Variants in ZNF154 observed in about 807,000 individuals in gnomAD.
ZNF154 encodes the protein zinc finger protein 154 (pHZ-92).
ZNF154 carries 6 observed loss-of-function variants against 7.5 expected under a neutral mutation model. The observed-to-expected ratio is 0.80, with a 90% confidence interval of 0.44 to 1.57. ZNF154 has a LOEUF of 1.57. Ranked by LOEUF, ZNF154 falls within the 40% of genes most tolerant of loss-of-function variation. The pLI, the probability that ZNF154 is intolerant of heterozygous loss-of-function variation, is 0.01. For synonymous variants in ZNF154, 187 were observed against 185.9 expected (o/e 1.01, Z -0.05); for missense variants, 485 against 531.4 (o/e 0.91, Z 0.86).
At position 57,702,269 on chromosome 19, in the gene ZNF154, C is replaced by T; in HGVS notation, c.680G>A (p.Ser227Asn). The stretch of plus-strand genomic sequence containing the variant: ...ATGTTTAATGAGGTTAGACTTGTTG[C>T]TAAATAATTTTCCACATTCATCACA... ...HECDECGKLF[S>N]NKSNLIKHRR... is the part of the protein sequence containing the mutation. The change falls in exon 3 of 3, where the codon AGC becomes AAC. Residue 227 changes from serine (S) to asparagine (N), a missense_variant. Transcript: ENST00000684351. 1.2e-6 allele frequency: 2 copies of T among 1,614,148 alleles called. No individual in the cohort carries two copies. The highest frequency in any genetic ancestry group is 1.7e-6 in the Non-Finnish European group (2 of 1,180,016).
intron 1 of ZNF154, among the ~76,000 whole-genome samples, chr19:57,707,980 G>A (rs1985458905): frequency 6.6e-6 from 1 of 152,102 alleles, no homozygotes; most frequent in African/African-American, 2.4e-5. Context: ...TGGGGGTAGA[G>A]GCTACTGAGG....
Position 57,708,847 on chromosome 19 carries a change from G to A in ZNF154, c.33+92C>T, listed in dbSNP as rs1410340997. 3.3e-6 allele frequency: 5 copies of A among 1,506,862 alleles called. No homozygotes were observed. The African/African-American group carries it at 6.9e-5, about 21-fold the overall frequency. The allele number at this position is 1,506,862 out of a possible 1,614,324, so 93.3% of individuals were successfully genotyped here. A position where few individuals can be genotyped will look rare whatever the true frequency, so the allele number is the denominator to read the frequency against. ...CGAACGCCTCAGTGTCCCCGACCCTGGGCAGCGGGGACTCGAGCAGGCGCC... is the reference window on the plus strand; with the variant it reads ...CGAACGCCTCAGTGTCCCCGACCCTAGGCAGCGGGGACTCGAGCAGGCGCC... On this transcript the variant is annotated intron_variant, in intron 1 of 2. Coordinates refer to ENST00000684351, the MANE Select transcript of ZNF154 (RefSeq NM_001085384.3).
chr19:57,705,685 C>T (rs1416492291), intron 1 of ZNF154, among the ~76,000 whole-genome samples: 6 of 149,030 alleles, frequency 4.0e-5, no homozygotes, highest in Non-Finnish European at 8.9e-5. Flanking sequence ...ACCCAGGAGG[C>T]GGAGGTTGCA....
chr19:57,705,103 A>G, intron 1 of ZNF154, 124 bp from the exon 2 acceptor site: 2 of 1,352,310 alleles, frequency 1.5e-6, no homozygotes, highest in Non-Finnish European at 2.0e-6. Flanking sequence ...AGGAGAAACC[A>G]GCACATGGAT....
At position 57,701,649 on chromosome 19, in the gene ZNF154, T is replaced by C; in HGVS notation, c.1300A>G (p.Ile434Val). The change falls in exon 3 of 3, where the codon ATT becomes GTT. Residue 434 changes from isoleucine (I) to valine (V), a missense_variant. Transcript: ENST00000684351. ...HNSSLIKHQR[I>V]HSR ...TCATAAGGCTTTTATCGACTATGAA[T>C]TCTCTGATGTTTAATAAGGCTGGAG... The C allele has an allele frequency of 1.2e-6, 2 of 1,611,820 alleles. No homozygotes were observed. The highest frequency in any genetic ancestry group is 8.5e-7 in the Non-Finnish European group (1 of 1,178,050).
chr19:57,708,787 C>T (rs1025832381), intron 1 of ZNF154, 152 bp downstream of exon 1: 26 of 1,023,990 alleles, frequency 2.5e-5, no homozygotes, highest in Non-Finnish European at 3.6e-5. Flanking sequence ...TCCCACACCT[C>T]GTCACACGCA....
rs569075317 is a variant in ZNF154 at position 57,698,420 on chromosome 19, T to C, written c.*3215A>G. 10 of 152,344 alleles carry C rather than the reference T, an allele frequency of 6.6e-5. No homozygotes were observed. In the South Asian group the frequency reaches 1.2e-3, roughly 19 times the overall value. The allele number at this position is 152,344 out of a possible 1,614,324, so 9.4% of individuals were successfully genotyped here. Reference sequence around the variant, plus strand: ...CATTCTTGAGGTTATTCGTGGCCACTGTATCAGTATGGTAGAAACAGAATA... The same window carrying C: ...CATTCTTGAGGTTATTCGTGGCCACCGTATCAGTATGGTAGAAACAGAATA... On this transcript the variant is annotated 3_prime_UTR_variant, in exon 3 of 3. Transcript: ENST00000684351.
In ZNF154 at chr19:57,698,071, A is replaced by G. The variant is rs1251830338; in HGVS notation, c.*3564T>C. 6.6e-6 allele frequency: 1 copy of G among 152,222 alleles called. No individual in the cohort carries two copies. The highest frequency in any genetic ancestry group is 1.5e-5 in the Non-Finnish European group (1 of 68,028). 9.4% of individuals were successfully genotyped at this position (152,222 alleles called of 1,614,324 possible). A position where few individuals can be genotyped will look rare whatever the true frequency, so the allele number is the denominator to read the frequency against. On this transcript the variant is annotated 3_prime_UTR_variant, in exon 3 of 3. Transcript: ENST00000684351. ...ATCCATAACAAATGAATGAATGAATAAACGAATACTGGTATATCCACAGAA... is the reference window on the plus strand; with the variant it reads ...ATCCATAACAAATGAATGAATGAATGAACGAATACTGGTATATCCACAGAA...
intron 1 of ZNF154, among the ~76,000 whole-genome samples, chr19:57,705,613 G>T (rs575841493): frequency 6.6e-6 from 1 of 152,196 alleles, no homozygotes; most frequent in South Asian, 2.1e-4. Context: ...AATTAGCCGG[G>T]CGTGGTGAAG....
Position 57,698,004 on chromosome 19 carries a change from G to A in ZNF154, c.*3631C>T, listed in dbSNP as rs1984965863. The A allele has an allele frequency of 6.6e-6, 1 of 152,030 alleles. No homozygotes were observed. Among genetic ancestry groups the A allele is most frequent in the Non-Finnish European group, 1.5e-5 (1 of 67,990 alleles). The allele number at this position is 152,030 out of a possible 1,614,324, so 9.4% of individuals were successfully genotyped here. ...TGCATTTTAAATATAAGCACTTTAA[G>A]TTCCATTATACCTCAAACTACTTTA... is the stretch of plus-strand genomic sequence containing the variant. On this transcript the variant is annotated 3_prime_UTR_variant, in exon 3 of 3. Coordinates refer to ENST00000684351, the MANE Select transcript of ZNF154 (RefSeq NM_001085384.3).
At position 57,702,603 on chromosome 19, in the gene ZNF154, A is replaced by G; in HGVS notation, c.346T>C (p.Ser116Pro). 6.3e-7 allele frequency: 1 copy of G among 1,584,144 alleles called. No individual in the cohort carries two copies. Among genetic ancestry groups the G allele is most frequent in the South Asian group, 1.1e-5 (1 of 90,238 alleles). ...HQQAAHTGEQ[S>P]NSKSDGGAIS... ...GCCCCACCGTCGCTTTTGCTATTTG[A>G]TTGCTCCCCAGTGTGAGCAGCCTGT... The change falls in exon 3 of 3, where the codon TCA becomes CCA. Residue 116 changes from serine (S) to proline (P), a missense_variant. Ser to Pro is a moderately conservative substitution (Grantham distance 74). Coordinates refer to ENST00000684351, the MANE Select transcript of ZNF154 (RefSeq NM_001085384.3).
In ZNF154 at chr19:57,702,699, C is replaced by A. The variant is rs764063479; in HGVS notation, c.250G>T (p.Val84Leu). Reference protein sequence around the residue: ...ALFVKTCTFHVSGEPSTCREV... With the variant: ...ALFVKTCTFHLSGEPSTCREV... The stretch of plus-strand genomic sequence containing the variant: ...CTGCAGGTGGAAGGCTCCCCTGACA[C>A]ATGGAATGTGCAGGTCTTCACAAAC... The change falls in exon 3 of 3, where the codon GTG becomes TTG. Residue 84 changes from valine (V) to leucine (L), a missense_variant. Val to Leu is a conservative substitution (Grantham distance 32). Transcript: ENST00000684351. 1.2e-6 allele frequency: 2 copies of A among 1,613,990 alleles called. No homozygotes were observed. The highest frequency in any genetic ancestry group is 2.2e-5 in the South Asian group (2 of 91,088).
intron 1 of ZNF154, among the ~76,000 whole-genome samples, chr19:57,707,722 A>G (rs1054650583): frequency 6.6e-6 from 1 of 152,214 alleles, no homozygotes; most frequent in Non-Finnish European, 1.5e-5. Flanking sequence ...GCTAAAAGGA[A>G]ACAGATCTAT....
chr19:57,706,531 C>T (rs943994985), intron 1 of ZNF154, among the ~76,000 whole-genome samples: 2 of 152,222 alleles, frequency 1.3e-5, no homozygotes, highest in African/African-American at 4.8e-5. Context: ...TCAAAAAATC[C>T]TGGTGATTCC....
intron 1 of ZNF154, among the ~76,000 whole-genome samples, chr19:57,708,734 G>T (rs958048567): frequency 6.6e-6 from 1 of 152,046 alleles, no homozygotes; most frequent in Admixed American, 6.6e-5. Flanking sequence ...GCTCAGTCGC[G>T]CCTCAACCTT....
rs1009238201 is a variant in ZNF154, at chr19:57,697,258, T to G, written c.*4377A>C. The G allele has an allele frequency of 1.3e-5, 2 of 152,214 alleles. No individual in the cohort carries two copies. The highest frequency in any genetic ancestry group is 2.9e-5 in the Non-Finnish European group (2 of 68,046). The allele number at this position is 152,214 out of a possible 1,614,324, so 9.4% of individuals were successfully genotyped here. ...GTTGGGAGAAGGTTTTGTATTTATT[T>G]CACTGTTGCCATCACACACCTGTCT... On this transcript the variant is annotated 3_prime_UTR_variant, in exon 3 of 3. Transcript: ENST00000684351.
chr19:57,701,542 G>T lies in ZNF154; in HGVS notation c.*93C>A. Reference sequence around the variant, plus strand: ...ACTGTGTGGCACTCAATGAGATATGGCCTTCAGCTGAAGCTTTCTGACATT... The same window carrying T: ...ACTGTGTGGCACTCAATGAGATATGTCCTTCAGCTGAAGCTTTCTGACATT... On this transcript the variant is annotated 3_prime_UTR_variant, in exon 3 of 3. Coordinates refer to ENST00000684351, the MANE Select transcript of ZNF154 (RefSeq NM_001085384.3). 1 of 1,346,734 alleles carries T rather than the reference G, an allele frequency of 7.4e-7. No individual in the cohort carries two copies. The highest frequency in any genetic ancestry group is 1.0e-6 in the Non-Finnish European group (1 of 983,696). 83.4% of individuals were successfully genotyped at this position (1,346,734 alleles called of 1,614,324 possible).
rs535262912 is a variant in ZNF154, at chr19:57,696,522, G to A, written c.*5113C>T. Among the ~76,000 whole-genome samples, 1 of 152,132 alleles carries A rather than the reference G, an allele frequency of 6.6e-6. No individual in the cohort carries two copies. The highest frequency in any genetic ancestry group is 2.4e-5 in the African/African-American group (1 of 41,438). Reference sequence around the variant, plus strand: ...GCAAAACCAGCAGAGTCCTGATGCTGGGCAGTGGCAGAGGAGGGATTAAAC... The same window carrying A: ...GCAAAACCAGCAGAGTCCTGATGCTAGGCAGTGGCAGAGGAGGGATTAAAC... On this transcript the variant is annotated 3_prime_UTR_variant, in exon 3 of 3. Transcript: ENST00000684351.
intron 2 of ZNF154, among the ~76,000 whole-genome samples, chr19:57,703,622 A>T (rs1229205520): frequency 2.0e-5 from 3 of 152,194 alleles, no homozygotes; most frequent in African/African-American, 7.2e-5. Flanking sequence ...GCAGAAGCTT[A>T]TCTGCTGGCG....
Sources: allele counts gnomAD v4.1 joint callset (sites outside exome capture counted in the v4.1 genomes callset), GRCh38; gene constraint gnomAD v4.1.1; transcripts MANE v1.5; gene names NCBI Gene and HGNC (gene_info 2026-07-23, HGNC 2026-07-21).